The following CALD1 variants were observed in gnomAD, a reference collection of about 807,000 sequenced individuals.
CALD1 encodes the protein caldesmon.
CALD1 carries 33 observed loss-of-function variants against 99.9 expected under a neutral mutation model. The ratio of observed to expected loss-of-function variants is 0.33; its 90% CI spans 0.25 to 0.44. CALD1 has a LOEUF of 0.44. Among genes scored for constraint, CALD1 ranks in the 20% least tolerant of loss-of-function variants. The pLI, the probability that CALD1 is intolerant of heterozygous loss-of-function variation, is 1.00. For missense variants in CALD1, 861 were observed against 962.1 expected, an observed-to-expected ratio of 0.89 and a Z score of 1.39; for synonymous variants, 310 against 325.0, an observed-to-expected ratio of 0.95 and a Z score of 0.50.
At chr7:134,962,988 T>C (rs1808392416) in intron 13 of CALD1, 1 of 450,986 alleles carries the variant, frequency 2.2e-6, no homozygotes, top group Non-Finnish European at 4.5e-6. Flanking sequence ...ATAACTCAGA[T>C]GTTCATATTT....
intron 3 of CALD1, among the ~76,000 whole-genome samples, chr7:134,913,593 T>C (rs915286155): frequency 5.3e-5 from 8 of 152,324 alleles, no homozygotes; most frequent in Non-Finnish European, 1.0e-4. Context: ...TATATCAGTG[T>C]TATTGGTGCA....
chr7:134,753,415 C>G (rs1796702206), intron 1 of CALD1, among the ~76,000 whole-genome samples: 1 of 152,184 alleles, frequency 6.6e-6, no homozygotes, highest in Non-Finnish European at 1.5e-5. Context: ...CCAGGTGCCA[C>G]CAATCACCAA....
chr7:134,766,400 C>T (rs980823978), intron 1 of CALD1, among the ~76,000 whole-genome samples: 7 of 152,106 alleles, frequency 4.6e-5, no homozygotes, highest in African/African-American at 1.7e-4. Flanking sequence ...CCTGCCTCAG[C>T]CTCCCAAAGT....
chr7:134,762,539 G>A lies in CALD1; in HGVS notation c.-130+18176G>A, dbSNP rs192748910. ...AAGAAAAGAGGTTTAATTGGCTCACGGTTTCACTGGCTGTACAGGAAGCAT... is the reference window on the plus strand; with the variant it reads ...AAGAAAAGAGGTTTAATTGGCTCACAGTTTCACTGGCTGTACAGGAAGCAT... On this transcript the variant is annotated intron_variant, in intron 1 of 13. Transcript: ENST00000417172. Among the ~76,000 whole-genome samples the A allele has an allele frequency of 5.3e-5, 8 of 152,248 alleles. No homozygotes were observed. In the East Asian group the frequency reaches 1.2e-3, roughly 22 times the overall value.
chr7:134,947,760 C>G lies in CALD1; in HGVS notation c.1785C>G (p.Leu595=), dbSNP rs1368355917. 1 of 1,613,640 alleles carries G rather than the reference C, an allele frequency of 6.2e-7. No homozygotes were observed. Among genetic ancestry groups the G allele is most frequent in the African/African-American group, 1.3e-5 (1 of 74,896 alleles). ...AGCAGGAGGAAGCCGATCGAAAACTCAGAGAGGAGGTAAGGCGGGCGCTAG... is the reference window on the plus strand; with the variant it reads ...AGCAGGAGGAAGCCGATCGAAAACTGAGAGAGGAGGTAAGGCGGGCGCTAG... ...RRKQEEADRK[L]REEEEKRRLK... is the part of the protein sequence containing the mutation. Residue 595 remains leucine, a synonymous_variant, in exon 8 of 15, where the codon CTC becomes CTG. Transcript: ENST00000361675.
chr7:134,928,672 G>C lies in CALD1; in HGVS notation c.72-82G>C, dbSNP rs1805248426. The C allele has an allele frequency of 6.6e-6, 9 of 1,370,170 alleles. No homozygotes were observed. The South Asian group carries it at 1.1e-4, about 17-fold the overall frequency. The allele number at this position is 1,370,170 out of a possible 1,614,324, so 84.9% of individuals were successfully genotyped here. A position where few individuals can be genotyped will look rare whatever the true frequency, so the allele number is the denominator to read the frequency against. ...ATTAAGCAGTGAAGTTCAGAAAAGG[G>C]CTCAGGGCTGTTCCTGCCAAGAGGT... On this transcript the variant is annotated intron_variant, in intron 3 of 14. Transcript: ENST00000361675.
intron 1 of CALD1, among the ~76,000 whole-genome samples, chr7:134,785,452 A>T (rs927564451): frequency 6.6e-6 from 1 of 152,258 alleles, no homozygotes; most frequent in Non-Finnish European, 1.5e-5. Flanking sequence ...AAAAACAAGC[A>T]CAACTCAATG....
chr7:134,922,087 T>G (rs1804661864), intron 3 of CALD1, among the ~76,000 whole-genome samples: 1 of 152,348 alleles, frequency 6.6e-6, no homozygotes, highest in Non-Finnish European at 1.5e-5. Context: ...ATATCCCATG[T>G]ATGTAAAAAA....
chr7:134,957,392 G>GA (rs546502767), intron 9 of CALD1, among the ~76,000 whole-genome samples: 115 of 151,386 alleles, frequency 7.6e-4, no homozygotes, highest in African/African-American at 2.5e-3. Context: ...GTGTGTTTTT[G>GA]AAAAAATTAT....
intron 1 of CALD1, among the ~76,000 whole-genome samples, chr7:134,746,426 T>C (rs1197898674): frequency 6.6e-6 from 1 of 152,254 alleles, no homozygotes; most frequent in Non-Finnish European, 1.5e-5. Context: ...TGGTTTATGG[T>C]ACTTTGTTCT....
At chr7:134,786,062 T>A (rs574153827) in intron 1 of CALD1, among the ~76,000 whole-genome samples, 2 of 152,112 alleles carry the variant, frequency 1.3e-5, no homozygotes, top group African/African-American at 4.8e-5. Flanking sequence ...GATAGTGATA[T>A]CTGTTGTGGA....
the CALD1 span, among the ~76,000 whole-genome samples, chr7:134,727,668 C>T: frequency 6.6e-6 from 1 of 152,230 alleles, no homozygotes; most frequent in Non-Finnish European, 1.5e-5. Context: ...ACTTCCTTCA[C>T]ATGCCGGCTC....
chr7:134,894,450 A>C (rs193109991), intron 3 of CALD1, among the ~76,000 whole-genome samples: 1 of 152,196 alleles, frequency 6.6e-6, no homozygotes, highest in African/African-American at 2.4e-5. Context: ...ATCAAACTCA[A>C]TTCCCCTTAG....
In CALD1 at chr7:134,969,527, G is replaced by A. The variant is rs1808906149; in HGVS notation, c.*1182G>A. 1 of 152,170 alleles carries A rather than the reference G, an allele frequency of 6.6e-6. No individual in the cohort carries two copies. Among genetic ancestry groups the A allele is most frequent in the Non-Finnish European group, 1.5e-5 (1 of 68,028 alleles). The allele number at this position is 152,170 out of a possible 1,614,324, so 9.4% of individuals were successfully genotyped here. A position where few individuals can be genotyped will look rare whatever the true frequency, so the allele number is the denominator to read the frequency against. On this transcript the variant is annotated 3_prime_UTR_variant, in exon 15 of 15. Coordinates refer to ENST00000361675, the MANE Select transcript of CALD1 (RefSeq NM_033138.4). ...TGAGTCTCAACAAAGACTACCTTTG[G>A]CTAAATGTCTAGAAGCAGAGAAGTA...
At chr7:134,735,030 G>T in the CALD1 span, 1 of 248,280 alleles carries the variant, frequency 4.0e-6, no homozygotes, top group Non-Finnish European at 8.0e-6. Context: ...TCTCGTCCAT[G>T]CCCTCATGTA....
intron 2 of CALD1, among the ~76,000 whole-genome samples, chr7:134,865,343 C>A (rs1241289014): frequency 1.3e-5 from 2 of 151,606 alleles, no homozygotes; most frequent in Non-Finnish European, 2.9e-5. Flanking sequence ...CAGCTTCTCT[C>A]CCCCACACAA....
At chr7:134,959,818 A>G (rs1281831482) in intron 11 of CALD1, among the ~76,000 whole-genome samples, 156 bp from the exon 12 acceptor site, 1 of 152,242 alleles carries the variant, frequency 6.6e-6, no homozygotes, top group Non-Finnish European at 1.5e-5. Flanking sequence ...TGTCATCAGC[A>G]TACAGTTTTA....
rs572440225 is a variant in CALD1 at position 134,827,525 on chromosome 7, C to T, written c.-129-16359C>T. ...TTCAATGGAGCAAATAAACAATTTG[C>T]CAAAGTCATCCAGTAAGAAAGTGGC... On this transcript the variant is annotated intron_variant, in intron 1 of 14. Coordinates refer to ENST00000361675, the MANE Select transcript of CALD1 (RefSeq NM_033138.4). Among the ~76,000 whole-genome samples, 20 of 152,318 alleles carry T rather than the reference C, an allele frequency of 1.3e-4. 1 individual carries two copies. The South Asian group carries it at 1.5e-3, about 11-fold the overall frequency.
chr7:134,884,712 T>C (rs143583836), intron 3 of CALD1, among the ~76,000 whole-genome samples: 39 of 151,232 alleles, frequency 2.6e-4, no homozygotes, highest in African/African-American at 9.2e-4. Context: ...CTCTACTCCA[T>C]CGTTGTCCCT....
Sources: gnomAD v4.1 joint callset for allele counts (sites outside exome capture counted in the v4.1 genomes callset) on GRCh38, gnomAD v4.1.1 for gene constraint, MANE v1.5 for transcripts, NCBI Gene and HGNC (gene_info 2026-07-23, HGNC 2026-07-21) for gene names.